TEX55: variants seen among roughly 807,000 people sequenced by gnomAD.
The protein encoded by TEX55 is testis-specific expressed protein 55.
A neutral mutation model predicts 44.6 loss-of-function variants in TEX55; 31 were observed. The ratio of observed to expected loss-of-function variants is 0.69; its 90% confidence interval spans 0.52 to 0.94. The LOEUF is 0.94. Among genes scored for constraint, TEX55 ranks in the 40% least tolerant of loss-of-function variants. The pLI is 0.00. For missense variants in TEX55, 639 were observed against 638.4 expected, an observed-to-expected ratio of 1.00 and a Z score of -0.01; for synonymous variants, 230 against 230.9, an observed-to-expected ratio of 1.00 and a Z score of 0.04.
Position 119,146,861 on chromosome 3 carries a change from G to A in TEX55, c.672G>A (p.Val224=), listed in dbSNP as rs1342497284. The A allele has an allele frequency of 1.2e-6, 2 of 1,614,064 alleles. No homozygotes were observed. Among genetic ancestry groups the A allele is most frequent in the African/African-American group, 2.7e-5 (2 of 74,938 alleles). The part of the protein sequence containing the change: ...LSKLSERRPS[V]QIDSGSSVPS... ...AACTATCTGAGAGAAGACCTTCTGTGCAGATTGACAGTGGGTCATCCGTCC... is the reference window on the plus strand; with the variant it reads ...AACTATCTGAGAGAAGACCTTCTGTACAGATTGACAGTGGGTCATCCGTCC... The change falls in exon 1 of 3, where the codon GTG becomes GTA. Residue 224 remains valine, a synonymous_variant. Transcript: ENST00000295622.
chr3:119,146,898 A>C lies in TEX55; in HGVS notation c.709A>C (p.Ser237Arg). ...DSGSSVPSDQ[S>R]PSVQIDSGSS... ...TGGGTCATCCGTCCCATCTGACCAA[A>C]GTCCTTCTGTACAGATTGACAGTGG... Residue 237 changes from serine (S) to arginine (R), a missense_variant, in exon 1 of 3, where the codon AGT becomes CGT. Physicochemically the swap from Ser to Arg is moderately radical, Grantham distance 110 (BLOSUM62 -1). Coordinates refer to ENST00000295622, the MANE Select transcript of TEX55 (RefSeq NM_152539.3). 1 of 1,614,074 alleles carries C rather than the reference A, an allele frequency of 6.2e-7. No homozygotes were observed. The highest frequency in any genetic ancestry group is 1.3e-5 in the African/African-American group (1 of 75,062).
In TEX55 at chr3:119,146,501, T is replaced by C. The variant is rs1052394631; in HGVS notation, c.312T>C (p.Asp104=). The change falls in exon 1 of 3, where the codon GAT becomes GAC. Residue 104 remains aspartate (D), a synonymous_variant. Coordinates refer to ENST00000295622, the MANE Select transcript of TEX55 (RefSeq NM_152539.3). The part of the protein sequence containing the change: ...PADVSDLRAD[D]QVNQTPSEQT... ...ATGTTTCTGACCTTAGAGCAGATGATCAGGTTAATCAAACACCGTCTGAAC... is the reference window on the plus strand; with the variant it reads ...ATGTTTCTGACCTTAGAGCAGATGACCAGGTTAATCAAACACCGTCTGAAC... 1.9e-6 allele frequency: 3 copies of C among 1,613,996 alleles called. No individual in the cohort carries two copies. In the African/African-American group the frequency reaches 4.0e-5, roughly 22 times the overall value.
In TEX55 at chr3:119,147,418, T is replaced by C. The variant is rs2077738296; in HGVS notation, c.1229T>C (p.Met410Thr). ...VDLNSKPSVEMETQNATTIPP... is the reference protein window; with the variant it reads ...VDLNSKPSVETETQNATTIPP... The stretch of plus-strand genomic sequence containing the variant: ...CTCAATTCCAAGCCTTCAGTTGAAA[T>C]GGAAACTCAGAATGCAACCACTATC... The change falls in exon 1 of 3, where the codon ATG (methionine) becomes ACG (threonine). Residue 410 changes from methionine (M) to threonine (T), a missense_variant. Met to Thr is a moderately conservative substitution (Grantham distance 81, BLOSUM62 -1). Coordinates refer to ENST00000295622, the MANE Select transcript of TEX55 (RefSeq NM_152539.3). 1 of 1,614,146 alleles carries C rather than the reference T, an allele frequency of 6.2e-7. No individual in the cohort carries two copies. The highest frequency in any genetic ancestry group is 1.3e-5 in the African/African-American group (1 of 75,034).
Position 119,146,819 on chromosome 3 carries a change from T to A in TEX55, c.630T>A (p.Ile210=). Residue 210 remains isoleucine (I), a synonymous_variant, in exon 1 of 3, where the codon ATT becomes ATA. Coordinates refer to ENST00000295622, the MANE Select transcript of TEX55 (RefSeq NM_152539.3). ...GEAERRTSEQ[I]THRLSKLSER... Reference sequence around the variant, plus strand: ...CTGAGCGAAGAACTTCTGAGCAGATTACACACAGATTATCCAAACTATCTG... The same window carrying A: ...CTGAGCGAAGAACTTCTGAGCAGATAACACACAGATTATCCAAACTATCTG... The A allele has an allele frequency of 6.2e-7, 1 of 1,614,214 alleles. No individual in the cohort carries two copies. The highest frequency in any genetic ancestry group is 8.5e-7 in the Non-Finnish European group (1 of 1,180,034).
At chr3:119,149,490 C>G (rs1441873378) in intron 2 of TEX55, among the ~76,000 whole-genome samples, 2 of 152,072 alleles carry the variant, frequency 1.3e-5, no homozygotes, top group African/African-American at 4.8e-5. Flanking sequence ...CCCTGCTGTT[C>G]TACAGTTAAC....
In TEX55 at chr3:119,147,210, A is replaced by G; in HGVS notation, c.1021A>G (p.Thr341Ala). ...DQPPVDNAHY[T>A]ESDQTDHLAD... is the part of the protein sequence containing the mutation. ...ACCTCCAGTTGACAATGCTCACTACACTGAATCTGACCAGACTGACCACTT... is the reference window on the plus strand; with the variant it reads ...ACCTCCAGTTGACAATGCTCACTACGCTGAATCTGACCAGACTGACCACTT... The change falls in exon 1 of 3, where the codon ACT (threonine) becomes GCT (alanine). Residue 341 changes from threonine (T) to alanine (A), a missense_variant. Thr to Ala is a moderately conservative substitution (Grantham distance 58). Transcript: ENST00000295622. 1 of 1,614,148 alleles carries G rather than the reference A, an allele frequency of 6.2e-7. No individual in the cohort carries two copies. The highest frequency in any genetic ancestry group is 8.5e-7 in the Non-Finnish European group (1 of 1,180,010).
rs777180745 is a variant in TEX55, at chr3:119,147,545, T to C, written c.1356T>C (p.Tyr452=). The C allele has an allele frequency of 6.2e-7, 1 of 1,613,722 alleles. No individual in the cohort carries two copies. Among genetic ancestry groups the C allele is most frequent in the South Asian group, 1.1e-5 (1 of 90,954 alleles). Residue 452 remains tyrosine, a synonymous_variant, in exon 1 of 3, where the codon TAT becomes TAC. Transcript: ENST00000295622. Reference sequence around the variant, plus strand: ...CCTCCATCTCATCCAAATTGAACTATACCAGCAGTCAAGAAAAAACTCAAG... The same window carrying C: ...CCTCCATCTCATCCAAATTGAACTACACCAGCAGTCAAGAAAAAACTCAAG... The part of the protein sequence containing the change: ...RLPSISSKLN[Y]TSSQEKTQAI...
chr3:119,146,283 G>C lies in TEX55; in HGVS notation c.94G>C (p.Glu32Gln). 6.2e-7 allele frequency: 1 copy of C among 1,609,812 alleles called. No individual in the cohort carries two copies. The highest frequency in any genetic ancestry group is 8.5e-7 in the Non-Finnish European group (1 of 1,179,372). Residue 32 changes from glutamate to glutamine, a missense_variant, in exon 1 of 3, where the codon GAA becomes CAA. By Grantham distance (29) the Glu-to-Gln change is conservative. Transcript: ENST00000295622. Reference protein sequence around the residue: ...SSAGHTKGQEEDDQKNQAERK... With the variant: ...SSAGHTKGQEQDDQKNQAERK... ...TGCTGGCCACACTAAGGGCCAGGAA[G>C]AAGACGACCAGAAGAACCAGGCCGA...
chr3:119,148,752 C>T (rs1436308234), intron 2 of TEX55, among the ~76,000 whole-genome samples: 1 of 152,178 alleles, frequency 6.6e-6, no homozygotes, highest in Non-Finnish European at 1.5e-5. Flanking sequence ...GATGATATAG[C>T]CTACCACACA....
intron 2 of TEX55, among the ~76,000 whole-genome samples, chr3:119,149,427 A>C (rs955139901): frequency 6.6e-6 from 1 of 152,160 alleles, no homozygotes; most frequent in African/African-American, 2.4e-5. Flanking sequence ...ACATGCATGG[A>C]GCTGTCATCT....
In TEX55 at chr3:119,148,054, A is replaced by T. The variant is rs943571402; in HGVS notation, c.1399-126A>T. Reference sequence around the variant, plus strand: ...CTGGAGGATTATCCAAGTCTCTCTTAAAAATGTGTATTTTCTCCAACTCCT... The same window carrying T: ...CTGGAGGATTATCCAAGTCTCTCTTTAAAATGTGTATTTTCTCCAACTCCT... On this transcript the variant is annotated intron_variant, in intron 1 of 2. Coordinates refer to ENST00000295622, the MANE Select transcript of TEX55 (RefSeq NM_152539.3). 7 of 861,536 alleles carry T rather than the reference A, an allele frequency of 8.1e-6. No homozygotes were observed. The Admixed American group carries it at 1.5e-4, about 18-fold the overall frequency. The allele number at this position is 861,536 out of a possible 1,614,324, so 53.4% of individuals were successfully genotyped here. A position where few individuals can be genotyped will look rare whatever the true frequency, so the allele number is the denominator to read the frequency against.
At position 119,146,626 on chromosome 3, in the gene TEX55, C is replaced by G; in HGVS notation, c.437C>G (p.Thr146Ser). The G allele has an allele frequency of 6.2e-7, 1 of 1,614,094 alleles. No homozygotes were observed. The highest frequency in any genetic ancestry group is 2.2e-5 in the East Asian group (1 of 44,886). The change falls in exon 1 of 3, where the codon ACT becomes AGT. Residue 146 changes from threonine to serine, a missense_variant. Physicochemically the swap from Thr to Ser is moderately conservative, Grantham distance 58. Coordinates refer to ENST00000295622, the MANE Select transcript of TEX55 (RefSeq NM_152539.3). ...ACGGAGGAAAGAACTGCTGAACAGA[C>G]TGAACGAAGATTACCTACCCAGGCT... is the stretch of plus-strand genomic sequence containing the variant. The part of the protein sequence containing the change: ...GLTEERTAEQ[T>S]ERRLPTQAER...
intron 2 of TEX55, among the ~76,000 whole-genome samples, chr3:119,149,249 T>G (rs991061126): frequency 6.6e-6 from 1 of 152,154 alleles, no homozygotes; most frequent in Non-Finnish European, 1.5e-5. Flanking sequence ...GTAACCGTGG[T>G]TCTATTTTTA....
chr3:119,151,380 A>G lies in TEX55; in HGVS notation c.*88A>G. 1 of 1,054,490 alleles carries G rather than the reference A, an allele frequency of 9.5e-7. No individual in the cohort carries two copies. The highest frequency in any genetic ancestry group is 2.2e-5 in the Admixed American group (1 of 45,018). The allele number at this position is 1,054,490 out of a possible 1,614,324, so 65.3% of individuals were successfully genotyped here. A position where few individuals can be genotyped will look rare whatever the true frequency, so the allele number is the denominator to read the frequency against. On this transcript the variant is annotated 3_prime_UTR_variant, in exon 3 of 3. Transcript: ENST00000295622. Reference sequence around the variant, plus strand: ...AAGTGTATAGAACAAAGTACGTACAACTCTGAATTCTTATGAAGTAAACAT... The same window carrying G: ...AAGTGTATAGAACAAAGTACGTACAGCTCTGAATTCTTATGAAGTAAACAT...
At chr3:119,149,615 A>G (rs902792767) in intron 2 of TEX55, among the ~76,000 whole-genome samples, 1 of 152,230 alleles carries the variant, frequency 6.6e-6, no homozygotes, top group African/African-American at 2.4e-5. Context: ...TTCGTGTGCT[A>G]TATTTTTATA....
intron 2 of TEX55, among the ~76,000 whole-genome samples, chr3:119,150,198 G>A (rs2077768553): frequency 1.3e-5 from 2 of 152,120 alleles, no homozygotes; most frequent in African/African-American, 4.8e-5. Context: ...ACGTCTTTTT[G>A]TTGGAAGAGT....
chr3:119,151,253 GCCAGAGGA>G lies in TEX55; in HGVS notation c.1575_1582del (p.Glu526ProfsTer44). ...TTACTGAAAACTTAGTCTATGAAAA[GCCAGAGGA>G]CCCCCTGAATTTTATGCTGTGCCAG... On this transcript the variant is annotated frameshift_variant, in exon 3 of 3. Coordinates refer to ENST00000295622, the MANE Select transcript of TEX55 (RefSeq NM_152539.3). LOFTEE classifies it high-confidence loss of function. 1 of 1,613,080 alleles carries G rather than the reference GCCAGAGGA, an allele frequency of 6.2e-7. No homozygotes were observed.
rs1383298399 is a variant in TEX55, at chr3:119,147,133, C to T, written c.944C>T (p.Thr315Ile). ...CACCACCAAGTGTACGGCCAAGCCA[C>T]TGAACTAGCTGAACACCAGGCTATT... ...KTHHQVYGQA[T>I]ELAEHQAIDQ... Residue 315 changes from threonine (T) to isoleucine (I), a missense_variant, in exon 1 of 3, where the codon ACT becomes ATT. Coordinates refer to ENST00000295622, the MANE Select transcript of TEX55 (RefSeq NM_152539.3). 6.2e-7 allele frequency: 1 copy of T among 1,614,188 alleles called. No homozygotes were observed. The highest frequency in any genetic ancestry group is 1.6e-4 in the Middle Eastern group (1 of 6,062).
At position 119,146,605 on chromosome 3, in the gene TEX55, A is replaced by G; in HGVS notation, c.416A>G (p.Glu139Gly). 1.2e-6 allele frequency: 2 copies of G among 1,614,046 alleles called. No homozygotes were observed. Among genetic ancestry groups the G allele is most frequent in the Non-Finnish European group, 1.7e-6 (2 of 1,180,042 alleles). ...GATGGTCAGGTGTCTGGCCTGACGGAGGAAAGAACTGCTGAACAGACTGAA... is the reference window on the plus strand; with the variant it reads ...GATGGTCAGGTGTCTGGCCTGACGGGGGAAAGAACTGCTGAACAGACTGAA... ...QSDGQVSGLT[E>G]ERTAEQTERR... The change falls in exon 1 of 3, where the codon GAG (glutamate) becomes GGG (glycine). Residue 139 changes from glutamate to glycine, a missense_variant. Transcript: ENST00000295622.
Sources: gnomAD v4.1 joint callset for allele counts (sites outside exome capture counted in the v4.1 genomes callset) on GRCh38, gnomAD v4.1.1 for gene constraint, MANE v1.5 for transcripts, NCBI Gene and HGNC (gene_info 2026-07-23, HGNC 2026-07-21) for gene names.